The following USP44 variants were observed in gnomAD, a reference collection of about 807,000 sequenced individuals.
USP44 encodes the protein ubiquitin carboxyl-terminal hydrolase 44.
In USP44, 61 loss-of-function variants were observed where a neutral mutation model predicts 69.0. The ratio of observed to expected loss-of-function variants is 0.88; its 90% CI spans 0.72 to 1.09. The LOEUF (loss-of-function observed/expected upper bound fraction) is 1.09. Among genes scored for constraint, USP44 ranks in the 50% least tolerant of loss-of-function variants. USP44 has a pLI of 0.00. For missense variants in USP44, 753 were observed against 849.9 expected, an observed-to-expected ratio of 0.89 and a Z score of 1.42; for synonymous variants, 297 against 295.4, an observed-to-expected ratio of 1.01 and a Z score of -0.06.
chr12:95,522,408 T>C (rs953605211), intron 4 of USP44, among the ~76,000 whole-genome samples: 4 of 152,018 alleles, frequency 2.6e-5, no homozygotes, highest in Admixed American at 2.6e-4. Context: ...CTCTGTGGGG[T>C]TGTGAAATAT....
rs143797630 is a variant in USP44, at chr12:95,528,895, G to A, written c.1536C>T (p.Ser512=). Residue 512 remains serine (S), a synonymous_variant, in exon 3 of 6, where the codon TCC becomes TCT. Transcript: ENST00000258499. ...RYQCSGKDIA[S]QPCLVTEMLA... ...ACATTTCAGTAACCAGACATGGCTG[G>A]GAAGCAATATCTTTTCCACTGCATT... 6.2e-7 allele frequency: 1 copy of A among 1,613,882 alleles called. No homozygotes were observed. Among genetic ancestry groups the A allele is most frequent in the African/African-American group, 1.3e-5 (1 of 74,894 alleles).
chr12:95,549,892 A>G (rs1485963997), intron 1 of USP44, among the ~76,000 whole-genome samples: 1 of 152,136 alleles, frequency 6.6e-6, no homozygotes, highest in Non-Finnish European at 1.5e-5. Context: ...AAGGTCTGAC[A>G]TAGAGGCCGG....
chr12:95,546,986 T>C (rs1383906214), intron 1 of USP44: 1 of 152,228 alleles, frequency 6.6e-6, no homozygotes, highest in Non-Finnish European at 1.5e-5. Flanking sequence ...ACAGAAAAGA[T>C]AAATCTGTAG....
At chr12:95,529,447 G>A (rs1272818024) in intron 2 of USP44, among the ~76,000 whole-genome samples, 1 of 147,984 alleles carries the variant, frequency 6.8e-6, no homozygotes, top group Admixed American at 6.8e-5. Context: ...TTTTTGAGAT[G>A]GAGTCTCGCT....
At chr12:95,540,095 C>G (rs548139979) in intron 1 of USP44, among the ~76,000 whole-genome samples, 2 of 152,240 alleles carry the variant, frequency 1.3e-5, no homozygotes, top group South Asian at 2.1e-4. Flanking sequence ...TGATAATGAA[C>G]TCATCCTACA....
chr12:95,547,408 T>C (rs2077607392), intron 1 of USP44, among the ~76,000 whole-genome samples: 1 of 152,230 alleles, frequency 6.6e-6, no homozygotes, highest in Admixed American at 6.5e-5. Flanking sequence ...TAAACGCTCT[T>C]TAAAATATCC....
At chr12:95,540,651 C>A (rs1215844937) in intron 1 of USP44, among the ~76,000 whole-genome samples, 1 of 152,050 alleles carries the variant, frequency 6.6e-6, no homozygotes, top group Non-Finnish European at 1.5e-5. Flanking sequence ...CTCTCCCTCC[C>A]ATCTTTTTTA....
intron 1 of USP44, among the ~76,000 whole-genome samples, chr12:95,535,885 C>T (rs1050304184): frequency 6.6e-6 from 1 of 152,136 alleles, no homozygotes; most frequent in Non-Finnish European, 1.5e-5. Context: ...AGTGCCACCT[C>T]CAGGCCTTAA....
Position 95,533,133 on chromosome 12 carries a change from G to T in USP44, c.1124C>A (p.Thr375Asn). Reference sequence around the variant, plus strand: ...ATGACAAAGAGAAATGTACTGTGAAGTTGGCTCCTTTGGCTGAATAAGTTC... The same window carrying T: ...ATGACAAAGAGAAATGTACTGTGAATTTGGCTCCTTTGGCTGAATAAGTTC... ...KMELIQPKEPTSQYISLCHEL... is the reference protein window; with the variant it reads ...KMELIQPKEPNSQYISLCHEL... The change falls in exon 2 of 6, where the codon ACT (threonine) becomes AAT (asparagine). Residue 375 changes from threonine (T) to asparagine (N), a missense_variant. By Grantham distance (65) the Thr-to-Asn change is moderately conservative (BLOSUM62 0). Coordinates refer to ENST00000258499, the MANE Select transcript of USP44 (RefSeq NM_032147.5). The T allele has an allele frequency of 1.2e-6, 2 of 1,614,246 alleles. No individual in the cohort carries two copies. The highest frequency in any genetic ancestry group is 1.7e-6 in the Non-Finnish European group (2 of 1,180,052).
chr12:95,546,322 T>G (rs1037636136), intron 1 of USP44: 2 of 152,238 alleles, frequency 1.3e-5, no homozygotes, highest in Admixed American at 1.3e-4. Flanking sequence ...ATCGTTAGAC[T>G]ACAAATTACC....
At chr12:95,537,362 A>AG (rs1382564632) in intron 1 of USP44, among the ~76,000 whole-genome samples, 2 of 152,178 alleles carry the variant, frequency 1.3e-5, no homozygotes, top group Admixed American at 6.5e-5. Context: ...TCTGTCGCCC[A>AG]GGCTGGAGTG....
rs1374646019 is a variant in USP44, at chr12:95,534,282, T to C, written c.-26A>G. The C allele has an allele frequency of 6.3e-7, 1 of 1,580,378 alleles. No homozygotes were observed. The highest frequency in any genetic ancestry group is 8.6e-7 in the Non-Finnish European group (1 of 1,158,656). The stretch of plus-strand genomic sequence containing the variant: ...TTATTTAGTCTAGCTGAGAAATGCA[T>C]AATCCAAACAAGTCTCTGTTCACAA... On this transcript the variant is annotated 5_prime_UTR_variant, in exon 2 of 6. It removes an upstream start codon present in the reference 5' UTR. Coordinates refer to ENST00000258499, the MANE Select transcript of USP44 (RefSeq NM_032147.5).
At chr12:95,543,406 C>CAAAAAAAAAAAAAAAAAAAA (rs60127958) in intron 1 of USP44, among the ~76,000 whole-genome samples, 23 of 43,114 alleles carry the variant, frequency 5.3e-4, no homozygotes, top group African/African-American at 6.9e-4. Flanking sequence ...GACTCTTTCT[C>CAAAAAAAAAAAAAAAAAAAA]AAAAAAAAAA....
rs148476030 is a variant in USP44, at chr12:95,533,182, C to T, written c.1075G>A (p.Gly359Arg). 1.2e-4 allele frequency: 201 copies of T among 1,614,028 alleles called. No homozygotes were observed. Among genetic ancestry groups the T allele is most frequent in the Non-Finnish European group, 1.6e-4 (194 of 1,180,050 alleles). The change falls in exon 2 of 6, where the codon GGA becomes AGA. Residue 359 changes from glycine to arginine, a missense_variant. Coordinates refer to ENST00000258499, the MANE Select transcript of USP44 (RefSeq NM_032147.5). ...QSSLSSGLSGGASKGRKMELI... is the reference protein window; with the variant it reads ...QSSLSSGLSGRASKGRKMELI... ...TCCATCTTTCTACCTTTTGATGCTC[C>T]ACCACTTAGTCCTGATGACAGACTT...
chr12:95,519,929 A>G (rs2076601109), intron 5 of USP44, among the ~76,000 whole-genome samples: 1 of 137,468 alleles, frequency 7.3e-6, no homozygotes, highest in Non-Finnish European at 1.5e-5. Context: ...AATCCCAGCT[A>G]CTTGGGAGGC....
intron 1 of USP44, among the ~76,000 whole-genome samples, chr12:95,545,590 A>G (rs1333577516): frequency 6.6e-6 from 1 of 152,214 alleles, no homozygotes; most frequent in African/African-American, 2.4e-5. Flanking sequence ...ACCCACTCGT[A>G]TAAGCAATTT....
At position 95,532,961 on chromosome 12, in the gene USP44, T is replaced by TA. The variant is rs1452630535; in HGVS notation, c.1295dup (p.Leu432PhefsTer3). ...TCTCTAATTCACGTTGTATTTTATC[T>TA]AAAAGTTCACAAAGAAATTCCTGAG... On this transcript the variant is annotated frameshift_variant, in exon 2 of 6. Coordinates refer to ENST00000258499, the MANE Select transcript of USP44 (RefSeq NM_032147.5). LOFTEE classifies it high-confidence loss of function. 1 of 1,614,228 alleles carries TA rather than the reference T, an allele frequency of 6.2e-7. No individual in the cohort carries two copies. The highest frequency in any genetic ancestry group is 1.7e-5 in the Admixed American group (1 of 60,032).
At chr12:95,537,404 C>T (rs543106268) in intron 1 of USP44, among the ~76,000 whole-genome samples, 28 of 152,188 alleles carry the variant, frequency 1.8e-4, no homozygotes, top group Admixed American at 5.2e-4. Context: ...CTGCAACCTC[C>T]ACCTCCTGGG....
chr12:95,536,039 CTTTTTTTTTTTT>C (rs397821709), intron 1 of USP44, among the ~76,000 whole-genome samples: 3 of 97,532 alleles, frequency 3.1e-5, no homozygotes, highest in South Asian at 6.5e-4. Flanking sequence ...CTTTTTTTTC[CTTTTTTTTTTTT>C]TTTTTTTTTG....
Sources: gnomAD v4.1 joint callset for allele counts (sites outside exome capture counted in the v4.1 genomes callset) on GRCh38, gnomAD v4.1.1 for gene constraint, MANE v1.5 for transcripts, NCBI Gene and HGNC (gene_info 2026-07-23, HGNC 2026-07-21) for gene names.